The following KIAA0825 variants were observed in gnomAD, a reference collection of about 807,000 sequenced individuals.
KIAA0825 encodes the protein KIAA0825, also known as uncharacterized protein KIAA0825.
KIAA0825 carries 119 observed loss-of-function variants against 147.6 expected under a neutral mutation model. That is an observed-to-expected ratio of 0.81 (90% CI 0.69 to 0.94). KIAA0825 has a LOEUF of 0.94. Among genes scored for constraint, KIAA0825 ranks in the 40% least tolerant of loss-of-function variants. KIAA0825 has a pLI of 0.00. For synonymous variants in KIAA0825, 470 were observed against 518.1 expected, an observed-to-expected ratio of 0.91 and a Z score of 1.26; for missense variants, 1,381 against 1,472.7, an observed-to-expected ratio of 0.94 and a Z score of 1.02.
At chr5:94,197,212 TG>T (rs1336920368) in intron 20 of KIAA0825, among the ~76,000 whole-genome samples, 1 of 152,234 alleles carries the variant, frequency 6.6e-6, no homozygotes, top group African/African-American at 2.4e-5. Context: ...ATTTCTTGAA[TG>T]ATTCGTGATG....
At chr5:94,560,786 C>G (rs1233866269) in intron 2 of KIAA0825, among the ~76,000 whole-genome samples, 1 of 152,208 alleles carries the variant, frequency 6.6e-6, no homozygotes, top group African/African-American at 2.4e-5. Context: ...TGAAAAACCT[C>G]CCATCTGACT....
At chr5:94,469,482 C>G (rs1760957773) in intron 10 of KIAA0825, among the ~76,000 whole-genome samples, 1 of 151,828 alleles carries the variant, frequency 6.6e-6, no homozygotes. Flanking sequence ...TCAAATGGGT[C>G]TTAAAGCATA....
intron 20 of KIAA0825, among the ~76,000 whole-genome samples, chr5:94,307,156 T>C (rs909172794): frequency 6.6e-6 from 1 of 151,862 alleles, no homozygotes; most frequent in Non-Finnish European, 1.5e-5. Flanking sequence ...AGTCTTTAGA[T>C]CAACTCTTCC....
chr5:94,570,909 C>T (rs945811307), intron 2 of KIAA0825, among the ~76,000 whole-genome samples: 3 of 152,198 alleles, frequency 2.0e-5, no homozygotes, highest in African/African-American at 7.2e-5. Flanking sequence ...TGCCAGCCAC[C>T]ATGAATATTA....
At chr5:94,314,164 C>T (rs1249982570) in intron 20 of KIAA0825, among the ~76,000 whole-genome samples, 2 of 151,614 alleles carry the variant, frequency 1.3e-5, no homozygotes, top group Non-Finnish European at 3.0e-5. Context: ...ACACATTTCA[C>T]CATGTACAAT....
intron 20 of KIAA0825, among the ~76,000 whole-genome samples, chr5:94,159,496 C>G (rs1247346692): frequency 6.6e-6 from 1 of 152,100 alleles, no homozygotes; most frequent in Non-Finnish European, 1.5e-5. Context: ...TGCTTTCTCA[C>G]GTTCTGTGTC....
intron 20 of KIAA0825, among the ~76,000 whole-genome samples, chr5:94,201,307 T>C (rs1432569455): frequency 6.6e-6 from 1 of 151,748 alleles, no homozygotes; most frequent in African/African-American, 2.4e-5. Flanking sequence ...AAGATTAAAT[T>C]AATTAATGTA....
intron 20 of KIAA0825, among the ~76,000 whole-genome samples, chr5:94,175,526 A>T (rs986132630): frequency 6.6e-6 from 1 of 152,172 alleles, no homozygotes; most frequent in East Asian, 1.9e-4. Flanking sequence ...ACTACTCAGT[A>T]TCTTGGAAGA....
intron 20 of KIAA0825, among the ~76,000 whole-genome samples, chr5:94,299,588 T>A (rs964713681): frequency 2.0e-5 from 3 of 152,112 alleles, no homozygotes; most frequent in African/African-American, 7.2e-5. Flanking sequence ...TTACTCAAAT[T>A]CATGACTGAA....
rs1001713826 is a variant in KIAA0825, at chr5:94,355,743, A to C, written c.3710+28625T>G. ...CACTTAGTTGCATTTAAGAGATCAAATCTCATCTCAAACAATTTTATTAGG... is the reference window on the plus strand; with the variant it reads ...CACTTAGTTGCATTTAAGAGATCAACTCTCATCTCAAACAATTTTATTAGG... On this transcript the variant is annotated intron_variant, in intron 20 of 20. Coordinates refer to ENST00000682413, the MANE Select transcript of KIAA0825 (RefSeq NM_001145678.3). 2.6e-5 allele frequency among the ~76,000 whole-genome samples: 4 copies of C among 152,306 alleles called. No individual in the cohort carries two copies. The Middle Eastern group carries it at 0.01, about 389-fold the overall frequency.
intron 20 of KIAA0825, among the ~76,000 whole-genome samples, chr5:94,268,854 G>A: frequency 6.6e-6 from 1 of 152,052 alleles, no homozygotes; most frequent in Non-Finnish European, 1.5e-5. Flanking sequence ...GGTTGTTCTT[G>A]TGCAACCTTG....
At chr5:94,429,451 C>T (rs1274111405) in intron 14 of KIAA0825, among the ~76,000 whole-genome samples, 4 of 151,656 alleles carry the variant, frequency 2.6e-5, no homozygotes, top group Admixed American at 2.0e-4. Flanking sequence ...TTTGGCTTTG[C>T]TTCTATAGAC....
At chr5:94,292,277 G>A (rs1481898347) in intron 20 of KIAA0825, among the ~76,000 whole-genome samples, 1 of 152,052 alleles carries the variant, frequency 6.6e-6, no homozygotes, top group African/African-American at 2.4e-5. Flanking sequence ...TTTGAGATAC[G>A]TTCCATCAAT....
chr5:94,583,368 T>G (rs1359051637), intron 1 of KIAA0825, among the ~76,000 whole-genome samples: 1 of 152,200 alleles, frequency 6.6e-6, no homozygotes, highest in Non-Finnish European at 1.5e-5. Context: ...GTGTCTGGCT[T>G]GGTGGGCCCC....
At chr5:94,358,092 A>G (rs920894543) in intron 20 of KIAA0825, among the ~76,000 whole-genome samples, 3 of 152,168 alleles carry the variant, frequency 2.0e-5, no homozygotes, top group Non-Finnish European at 4.4e-5. Flanking sequence ...TTTAGTTTTT[A>G]TTATCTATAA....
chr5:94,560,041 A>AT (rs1434507763), intron 2 of KIAA0825, among the ~76,000 whole-genome samples: 1 of 151,882 alleles, frequency 6.6e-6, no homozygotes, highest in African/African-American at 2.4e-5. Flanking sequence ...AACATTTACC[A>AT]TTTTTTCTCT....
chr5:94,194,503 T>G (rs952256138), intron 20 of KIAA0825, among the ~76,000 whole-genome samples: 4 of 152,162 alleles, frequency 2.6e-5, no homozygotes, highest in African/African-American at 9.7e-5. Flanking sequence ...CACTCAGCCA[T>G]CTTCTTGTCA....
At chr5:94,166,914 C>A (rs1476654570) in intron 20 of KIAA0825, among the ~76,000 whole-genome samples, 1 of 151,966 alleles carries the variant, frequency 6.6e-6, no homozygotes, top group East Asian at 1.9e-4. Flanking sequence ...AGTCCCAAAG[C>A]AAAAGCCTTA....
chr5:94,498,690 CATTA>C (rs1343457934), intron 5 of KIAA0825, among the ~76,000 whole-genome samples: 2 of 152,196 alleles, frequency 1.3e-5, no homozygotes, highest in Non-Finnish European at 1.5e-5. Flanking sequence ...CTAATGGCTT[CATTA>C]ATTATTTATA....
Sources: gnomAD v4.1 joint callset for allele counts (sites outside exome capture counted in the v4.1 genomes callset) on GRCh38, gnomAD v4.1.1 for gene constraint, MANE v1.5 for transcripts, NCBI Gene and HGNC (gene_info 2026-07-23, HGNC 2026-07-21) for gene names.